The following CPNE4 variants were observed in gnomAD, a reference collection of about 807,000 sequenced individuals.
The protein encoded by CPNE4 is copine 4.
Under a neutral mutation model 67.9 loss-of-function variants are expected in CPNE4, and 25 were observed. That is an observed-to-expected ratio of 0.37 (90% confidence interval 0.27 to 0.51). The LOEUF (loss-of-function observed/expected upper bound fraction) is 0.51. CPNE4 is among the 20% of genes least tolerant of loss of function. The pLI is 0.93. For synonymous variants in CPNE4, 242 were observed against 244.9 expected, an observed-to-expected ratio of 0.99 and a Z score of 0.11; for missense variants, 464 against 690.8, an observed-to-expected ratio of 0.67 and a Z score of 3.68.
At chr3:132,030,417 T>C (rs2074212175) in intron 1 of CPNE4, among the ~76,000 whole-genome samples, 1 of 152,226 alleles carries the variant, frequency 6.6e-6, no homozygotes, top group African/African-American at 2.4e-5. Flanking sequence ...TTTGTACAAA[T>C]TCAATCACAT....
chr3:131,774,787 A>G (rs1215878362), intron 2 of CPNE4, among the ~76,000 whole-genome samples: 1 of 152,140 alleles, frequency 6.6e-6, no homozygotes, highest in Non-Finnish European at 1.5e-5. Flanking sequence ...CAGAAGTTCT[A>G]AACTAGATAT....
chr3:131,968,534 G>C (rs1008004516), intron 1 of CPNE4, among the ~76,000 whole-genome samples: 4 of 152,178 alleles, frequency 2.6e-5, no homozygotes, highest in Non-Finnish European at 5.9e-5. Context: ...CCCATCGAAA[G>C]TGGGCAAAGG....
intron 1 of CPNE4, among the ~76,000 whole-genome samples, chr3:131,914,903 G>A (rs1482361402): frequency 6.6e-6 from 1 of 152,162 alleles, no homozygotes; most frequent in Admixed American, 6.5e-5. Flanking sequence ...TTGAACCCAG[G>A]AGGCGGAGTT....
At chr3:131,725,701 T>TC (rs1487839810) in intron 2 of CPNE4, among the ~76,000 whole-genome samples, 1 of 152,252 alleles carries the variant, frequency 6.6e-6, no homozygotes, top group African/African-American at 2.4e-5. Flanking sequence ...ATAAGCTGAC[T>TC]TGAAGGTACT....
intron 7 of CPNE4, among the ~76,000 whole-genome samples, chr3:131,655,119 T>G (rs2079918280): frequency 6.6e-6 from 1 of 152,342 alleles, no homozygotes; most frequent in South Asian, 2.1e-4. Context: ...GAGGGAAATG[T>G]ATTGTTGAAA....
chr3:131,940,128 T>C (rs994960917), intron 1 of CPNE4, among the ~76,000 whole-genome samples: 2 of 152,138 alleles, frequency 1.3e-5, no homozygotes, highest in Non-Finnish European at 2.9e-5. Context: ...GCAAGTGTAA[T>C]TCCCCACAAC....
At chr3:131,953,424 A>G (rs2071840506) in intron 1 of CPNE4, among the ~76,000 whole-genome samples, 1 of 152,098 alleles carries the variant, frequency 6.6e-6, no homozygotes, top group Non-Finnish European at 1.5e-5. Flanking sequence ...AGTTTTTATC[A>G]TAAAAGGATA....
At chr3:131,760,676 A>G (rs2082863685) in intron 2 of CPNE4, among the ~76,000 whole-genome samples, 1 of 152,160 alleles carries the variant, frequency 6.6e-6, no homozygotes, top group African/African-American at 2.4e-5. Context: ...GCTATTGAGG[A>G]TGATTTGCCC....
At chr3:131,688,587 C>G (rs74318207) in intron 5 of CPNE4, among the ~76,000 whole-genome samples, 65 of 152,276 alleles carry the variant, frequency 4.3e-4, no homozygotes, top group African/African-American at 1.5e-3. Flanking sequence ...CACGCTTTGC[C>G]TCTTTAAATA....
At chr3:131,801,424 G>GAGTGTA (rs2084117036) in intron 2 of CPNE4, among the ~76,000 whole-genome samples, 1 of 77,046 alleles carries the variant, frequency 1.3e-5, no homozygotes, top group Non-Finnish European at 2.5e-5. Context: ...ACGTGTGTGT[G>GAGTGTA]TGTGTGTGTG....
intron 5 of CPNE4, among the ~76,000 whole-genome samples, chr3:131,686,205 G>C (rs2080885703): frequency 6.6e-6 from 1 of 152,132 alleles, no homozygotes; most frequent in African/African-American, 2.4e-5. Context: ...GGCTAGAATG[G>C]ACTGCATCTG....
intron 1 of CPNE4, among the ~76,000 whole-genome samples, chr3:132,016,032 A>G (rs1236459057): frequency 1.3e-5 from 2 of 152,242 alleles, no homozygotes; most frequent in Non-Finnish European, 2.9e-5. Flanking sequence ...ATAAATGTAC[A>G]TATCAATGAG....
At chr3:131,585,691 A>G (rs1938133129) in intron 8 of CPNE4, among the ~76,000 whole-genome samples, 1 of 152,110 alleles carries the variant, frequency 6.6e-6, no homozygotes, top group African/African-American at 2.4e-5. Context: ...ACTTTTTAGA[A>G]CTCTAGCAGG....
At chr3:131,896,083 C>T (rs1215650790) in intron 2 of CPNE4, among the ~76,000 whole-genome samples, 3 of 151,760 alleles carry the variant, frequency 2.0e-5, no homozygotes, top group African/African-American at 7.3e-5. Context: ...GGCCAGATGT[C>T]CCTTATATAT....
In CPNE4 at chr3:131,847,657, T is replaced by C. The variant is rs146547283; in HGVS notation, c.180+57607A>G. 8.5e-5 allele frequency among the ~76,000 whole-genome samples: 13 copies of C among 152,334 alleles called. No individual in the cohort carries two copies. The East Asian group carries it at 2.5e-3, about 29-fold the overall frequency. On this transcript the variant is annotated intron_variant, in intron 2 of 15. Coordinates refer to ENST00000429747, the MANE Select transcript of CPNE4 (RefSeq NM_130808.3). ...ACTCTTTGCATTAAAATACGCTTTC[T>C]AGTTCTTTACACTCCTTTAGGTTAG... is the stretch of plus-strand genomic sequence containing the variant.
At chr3:131,599,905 T>G (rs561531623) in intron 7 of CPNE4, among the ~76,000 whole-genome samples, 166 of 152,298 alleles carry the variant, frequency 1.1e-3, no homozygotes, top group African/African-American at 3.9e-3. Context: ...AAAGCCAGCT[T>G]TAAAGAGTGT....
At chr3:131,783,476 T>C (rs1438190335) in intron 2 of CPNE4, among the ~76,000 whole-genome samples, 3 of 152,102 alleles carry the variant, frequency 2.0e-5, no homozygotes, top group Admixed American at 2.0e-4. Context: ...AGTAGAGCTT[T>C]TTCTCTGGAG....
intron 12 of CPNE4, among the ~76,000 whole-genome samples, chr3:131,555,078 T>C (rs569205329): frequency 1.3e-5 from 2 of 152,198 alleles, no homozygotes; most frequent in African/African-American, 4.8e-5. Context: ...CATACAAGAC[T>C]TGGACTCGGA....
chr3:131,963,734 G>T (rs2072254452), intron 1 of CPNE4, among the ~76,000 whole-genome samples: 1 of 152,198 alleles, frequency 6.6e-6, no homozygotes, highest in Non-Finnish European at 1.5e-5. Context: ...AGCAGCTCCA[G>T]TCACGGGCTT....
Sources: gnomAD v4.1 joint callset for allele counts (sites outside exome capture counted in the v4.1 genomes callset) on GRCh38, gnomAD v4.1.1 for gene constraint, MANE v1.5 for transcripts, NCBI Gene and HGNC (gene_info 2026-07-23, HGNC 2026-07-21) for gene names.